The following MB21D2 variants were observed in gnomAD, a reference collection of about 807,000 sequenced individuals.
The protein encoded by MB21D2 is Mab-21 domain containing 2.
A neutral mutation model predicts 33.3 loss-of-function variants in MB21D2; 9 were observed. The observed-to-expected ratio is 0.27, with a 90% CI of 0.16 to 0.47. The LOEUF (loss-of-function observed/expected upper bound fraction) is 0.47. Among genes scored for constraint, MB21D2 ranks in the 20% least tolerant of loss-of-function variants. MB21D2 has a pLI of 0.99. For missense variants in MB21D2, 540 were observed against 624.6 expected, an observed-to-expected ratio of 0.86 and a Z score of 1.44; for synonymous variants, 241 against 236.3, an observed-to-expected ratio of 1.02 and a Z score of -0.18.
chr3:192,893,656 CAG>C (rs1249502455), intron 1 of MB21D2, among the ~76,000 whole-genome samples: 1 of 152,212 alleles, frequency 6.6e-6, no homozygotes, highest in Non-Finnish European at 1.5e-5. Flanking sequence ...GCCCATTTCT[CAG>C]GGTCCAGTCC....
chr3:192,806,360 CACA>C (rs1711660593), intron 1 of MB21D2, among the ~76,000 whole-genome samples: 1 of 152,194 alleles, frequency 6.6e-6, no homozygotes, highest in Non-Finnish European at 1.5e-5. Flanking sequence ...AATCCACTTA[CACA>C]ACAAGTTGGT....
chr3:192,903,559 T>C (rs1227374622), intron 1 of MB21D2, among the ~76,000 whole-genome samples: 1 of 152,248 alleles, frequency 6.6e-6, no homozygotes, highest in Non-Finnish European at 1.5e-5. Flanking sequence ...AGTAGCTCTG[T>C]GACTTTGGGC....
chr3:192,852,705 G>C (rs763027770), intron 1 of MB21D2, among the ~76,000 whole-genome samples: 8 of 152,176 alleles, frequency 5.3e-5, no homozygotes, highest in Non-Finnish European at 8.8e-5. Context: ...TAACATAATT[G>C]AGAGGTGGAT....
intron 1 of MB21D2, among the ~76,000 whole-genome samples, chr3:192,832,240 A>C (rs915728199): frequency 2.0e-5 from 3 of 152,218 alleles, no homozygotes; most frequent in African/African-American, 7.2e-5. Context: ...GATCTAAACA[A>C]GATAATATTG....
chr3:192,856,499 C>T (rs561949453), intron 1 of MB21D2, among the ~76,000 whole-genome samples: 1 of 152,230 alleles, frequency 6.6e-6, no homozygotes, highest in South Asian at 2.1e-4. Flanking sequence ...TACCTCAGCA[C>T]CTGGCATTGC....
intron 1 of MB21D2, among the ~76,000 whole-genome samples, chr3:192,891,900 C>A (rs1577198390): frequency 6.6e-6 from 1 of 152,020 alleles, no homozygotes; most frequent in Admixed American, 6.6e-5. Flanking sequence ...AAAGTTTTAA[C>A]AAATTACATT....
chr3:192,835,150 C>CT (rs201391784), intron 1 of MB21D2, among the ~76,000 whole-genome samples: 41,016 of 101,150 alleles, frequency 0.41, 6,938 homozygotes, highest in East Asian at 0.61. Flanking sequence ...TAGAAAGTGT[C>CT]TTTAAAAAAA....
At chr3:192,905,661 G>GA (rs1714199807) in intron 1 of MB21D2, among the ~76,000 whole-genome samples, 2 of 137,212 alleles carry the variant, frequency 1.5e-5, no homozygotes, top group African/African-American at 5.4e-5. Context: ...AAAAGAAAAA[G>GA]AAAAGAAAAG....
chr3:192,867,847 C>T (rs1278312997), intron 1 of MB21D2, among the ~76,000 whole-genome samples: 1 of 152,114 alleles, frequency 6.6e-6, no homozygotes, highest in Non-Finnish European at 1.5e-5. Flanking sequence ...TCTCTGGGAG[C>T]CCGGATCTTC....
intron 1 of MB21D2, among the ~76,000 whole-genome samples, chr3:192,902,095 A>G (rs1173340521): frequency 1.3e-5 from 2 of 152,234 alleles, no homozygotes; most frequent in African/African-American, 4.8e-5. Flanking sequence ...ACAAGCATCA[A>G]AAGAATGTTT....
At chr3:192,821,379 C>A (rs941241782) in intron 1 of MB21D2, among the ~76,000 whole-genome samples, 3 of 152,158 alleles carry the variant, frequency 2.0e-5, no homozygotes, top group South Asian at 4.1e-4. Context: ...GAACTATCCA[C>A]ACCTGCTCCC....
At chr3:192,876,641 C>G (rs560156375) in intron 1 of MB21D2, among the ~76,000 whole-genome samples, 3 of 152,298 alleles carry the variant, frequency 2.0e-5, no homozygotes, top group African/African-American at 7.2e-5. Context: ...GCTTTATGAT[C>G]TAGCCCCTGT....
chr3:192,895,895 G>A (rs769554856), intron 1 of MB21D2, among the ~76,000 whole-genome samples: 39 of 152,062 alleles, frequency 2.6e-4, no homozygotes, highest in Non-Finnish European at 4.1e-4. Flanking sequence ...ACCATGCCTG[G>A]CCTAAGAAAC....
At chr3:192,827,446 T>A (rs1235165256) in intron 1 of MB21D2, among the ~76,000 whole-genome samples, 3 of 152,228 alleles carry the variant, frequency 2.0e-5, no homozygotes, top group African/African-American at 7.2e-5. Flanking sequence ...TAAGATGATG[T>A]GTGTGGAACA....
chr3:192,917,790 G>A lies in MB21D2; in HGVS notation c.51C>T (p.Asn17=), dbSNP rs1190979240. Residue 17 remains asparagine (N), a synonymous_variant, in exon 1 of 2, where the codon AAC becomes AAT. Transcript: ENST00000392452. ...CCAGCTCCGGGAACGCAGGCTTGTT[G>A]TTACAGCCCAGGGAGGCTGCCTTGT... is the stretch of plus-strand genomic sequence containing the variant. The part of the protein sequence containing the change: ...TANKAASLGC[N]NKPAFPELDF... The A allele has an allele frequency of 6.2e-7, 1 of 1,613,486 alleles. No individual in the cohort carries two copies. The highest frequency in any genetic ancestry group is 8.5e-7 in the Non-Finnish European group (1 of 1,180,038).
chr3:192,884,602 C>A (rs568173679), intron 1 of MB21D2, among the ~76,000 whole-genome samples: 2 of 151,996 alleles, frequency 1.3e-5, no homozygotes, highest in East Asian at 3.9e-4. Context: ...CTCCTGACCT[C>A]GTGATCTGCC....
At chr3:192,900,562 T>G (rs561838129) in intron 1 of MB21D2, among the ~76,000 whole-genome samples, 1 of 152,182 alleles carries the variant, frequency 6.6e-6, no homozygotes, top group African/African-American at 2.4e-5. Context: ...CTGTAAAGCT[T>G]CTTTTTTTTT....
At chr3:192,873,642 T>C (rs1311383610) in intron 1 of MB21D2, among the ~76,000 whole-genome samples, 1 of 152,218 alleles carries the variant, frequency 6.6e-6, no homozygotes, top group Non-Finnish European at 1.5e-5. Flanking sequence ...CTTTGACCGC[T>C]GTCCTCGTCT....
chr3:192,892,979 T>C (rs1330314137), intron 1 of MB21D2, among the ~76,000 whole-genome samples: 1 of 152,132 alleles, frequency 6.6e-6, no homozygotes, highest in Non-Finnish European at 1.5e-5. Context: ...TAAGATGAAT[T>C]TTCCTTTTGG....
Sources: gnomAD v4.1 joint callset for allele counts (sites outside exome capture counted in the v4.1 genomes callset) on GRCh38, gnomAD v4.1.1 for gene constraint, MANE v1.5 for transcripts, NCBI Gene and HGNC (gene_info 2026-07-23, HGNC 2026-07-21) for gene names.